ZMYND8: variants seen among roughly 807,000 people sequenced by gnomAD.
The protein encoded by ZMYND8 is MYND-type zinc finger-containing chromatin reader ZMYND8.
A neutral mutation model predicts 140.8 loss-of-function variants in ZMYND8; 37 were observed. That is an observed-to-expected ratio of 0.26 (90% CI 0.20 to 0.35). The LOEUF (loss-of-function observed/expected upper bound fraction) is 0.35. ZMYND8 is among the 10% of genes least tolerant of loss of function. The probability of loss-of-function intolerance (pLI) is 1.00; values close to 1 mark genes in which losing one functional copy is unlikely to be tolerated. For synonymous variants in ZMYND8, 592 were observed against 597.1 expected, an observed-to-expected ratio of 0.99 and a Z score of 0.12; for missense variants, 1,068 against 1,570.0, an observed-to-expected ratio of 0.68 and a Z score of 5.40.
At chr20:47,300,441 G>A (rs1251746284) in intron 3 of ZMYND8, among the ~76,000 whole-genome samples, 1 of 152,146 alleles carries the variant, frequency 6.6e-6, no homozygotes, top group Non-Finnish European at 1.5e-5. Flanking sequence ...GTGAGATCCT[G>A]CATACTTTTT....
At chr20:47,318,493 C>T in intron 2 of ZMYND8, 2 of 348,106 alleles carry the variant, frequency 5.7e-6, no homozygotes, top group South Asian at 4.4e-5. Flanking sequence ...GGAATTTCCT[C>T]CTGGCAGAGC....
At chr20:47,270,369 A>G (rs1176630561) in intron 11 of ZMYND8, among the ~76,000 whole-genome samples, 4 of 85,046 alleles carry the variant, frequency 4.7e-5, no homozygotes, top group Admixed American at 4.6e-4. Context: ...GTGAAACTCC[A>G]TCTCAAAAAA....
intron 2 of ZMYND8, among the ~76,000 whole-genome samples, chr20:47,313,586 C>A (rs1036439454): frequency 6.6e-6 from 1 of 151,558 alleles, no homozygotes; most frequent in Admixed American, 6.6e-5. Flanking sequence ...CGCACCACTG[C>A]ACTCCAACCT....
At chr20:47,294,322 A>G (rs1220526461) in intron 5 of ZMYND8, among the ~76,000 whole-genome samples, 1 of 152,116 alleles carries the variant, frequency 6.6e-6, no homozygotes, top group African/African-American at 2.4e-5. Context: ...ACTGCACTCC[A>G]GCCTGGGTGA....
chr20:47,218,839 AG>A (rs987734777), intron 21 of ZMYND8, among the ~76,000 whole-genome samples: 2 of 152,122 alleles, frequency 1.3e-5, no homozygotes, highest in Non-Finnish European at 2.9e-5. Flanking sequence ...CTAGCCCCTT[AG>A]GGAAACCGTT....
At chr20:47,258,831 C>T (rs1344455540) in intron 12 of ZMYND8, among the ~76,000 whole-genome samples, 1 of 152,106 alleles carries the variant, frequency 6.6e-6, no homozygotes, top group Admixed American at 6.5e-5. Flanking sequence ...ACCCACGGCA[C>T]TTCCATCGGT....
At chr20:47,240,390 T>C (rs1601154028) in intron 14 of ZMYND8, among the ~76,000 whole-genome samples, 1 of 150,846 alleles carries the variant, frequency 6.6e-6, no homozygotes, top group East Asian at 2.0e-4. Flanking sequence ...GGCAGGCGCC[T>C]GTAGTCCCAG....
chr20:47,348,067 C>T, intron 1 of ZMYND8, 141 bp from the exon 2 acceptor site: 2 of 787,752 alleles, frequency 2.5e-6, no homozygotes, highest in East Asian at 5.2e-5. Context: ...GAAACCCACA[C>T]CTGATTTCAA....
At chr20:47,289,468 G>A (rs1392952351) in intron 7 of ZMYND8, among the ~76,000 whole-genome samples, 3 of 152,118 alleles carry the variant, frequency 2.0e-5, no homozygotes, top group Non-Finnish European at 4.4e-5. Flanking sequence ...ATTTACCCAA[G>A]AGAAAGAAAA....
chr20:47,239,816 G>GC (rs2039718383), intron 14 of ZMYND8, among the ~76,000 whole-genome samples: 1 of 152,192 alleles, frequency 6.6e-6, no homozygotes, highest in African/African-American at 2.4e-5. Context: ...CATTGCTTTG[G>GC]TTTTGATTGG....
At chr20:47,241,294 C>CAAA (rs11476591) in intron 14 of ZMYND8, among the ~76,000 whole-genome samples, 4 of 61,992 alleles carry the variant, frequency 6.5e-5, no homozygotes, top group African/African-American at 1.9e-4. Context: ...GACTCCGTCT[C>CAAA]AAAAAAAAAA....
chr20:47,229,930 G>A, intron 16 of ZMYND8, 124 bp from the exon 17 acceptor site: 1 of 750,374 alleles, frequency 1.3e-6, no homozygotes, highest in Non-Finnish European at 2.1e-6. Flanking sequence ...TGTCCCGCAT[G>A]AGACACTGGG....
intron 11 of ZMYND8, among the ~76,000 whole-genome samples, chr20:47,268,222 G>A (rs1007360173): frequency 1.3e-5 from 2 of 151,778 alleles, no homozygotes; most frequent in South Asian, 2.1e-4. Context: ...TTCGGGAGGC[G>A]GAGGCAGATG....
intron 2 of ZMYND8, among the ~76,000 whole-genome samples, chr20:47,343,002 G>A (rs112592151): frequency 4.2e-4 from 64 of 152,188 alleles, no homozygotes; most frequent in Middle Eastern, 3.4e-3. Flanking sequence ...TAGGCCAGCC[G>A]GGCATGGTGG....
At chr20:47,214,772 G>C (rs886473172) in intron 21 of ZMYND8, among the ~76,000 whole-genome samples, 2 of 152,158 alleles carry the variant, frequency 1.3e-5, no homozygotes, top group African/African-American at 2.4e-5. Flanking sequence ...TGGGATTATA[G>C]GCATGAGCCA....
At chr20:47,213,993 A>C (rs2035681005) in intron 21 of ZMYND8, among the ~76,000 whole-genome samples, 1 of 152,176 alleles carries the variant, frequency 6.6e-6, no homozygotes, top group Non-Finnish European at 1.5e-5. Flanking sequence ...TTAAAACGAA[A>C]AGATGAACAG....
chr20:47,215,644 G>T (rs1291723781), intron 21 of ZMYND8, among the ~76,000 whole-genome samples: 1 of 152,030 alleles, frequency 6.6e-6, no homozygotes, highest in Non-Finnish European at 1.5e-5. Flanking sequence ...CAAGTAGCTG[G>T]GACTACAGGT....
At chr20:47,320,474 G>C in intron 2 of ZMYND8, 3 of 152,436 alleles carry the variant, frequency 2.0e-5, no homozygotes, top group Middle Eastern at 3.4e-3. Flanking sequence ...ATCCCAACAC[G>C]TTGGGAGGCC....
At chr20:47,263,553 C>T (rs756748434) in intron 11 of ZMYND8, among the ~76,000 whole-genome samples, 14 of 152,184 alleles carry the variant, frequency 9.2e-5, no homozygotes, top group Non-Finnish European at 1.8e-4. Context: ...GTGCCAGGAC[C>T]TGCCTGCATT....
Sources: gnomAD v4.1 joint callset for allele counts (sites outside exome capture counted in the v4.1 genomes callset) on GRCh38, gnomAD v4.1.1 for gene constraint, MANE v1.5 for transcripts, NCBI Gene and HGNC (gene_info 2026-07-23, HGNC 2026-07-21) for gene names.